CNOT3: variants seen among roughly 807,000 people sequenced by gnomAD.
CNOT3 encodes CCR4-NOT transcription complex subunit 3, also known as CCR4-associated factor 3.
Under a neutral mutation model 89.4 loss-of-function variants are expected in CNOT3, and 2 were observed. The observed-to-expected ratio is 0.02, with a 90% CI of 0.01 to 0.07. The LOEUF is 0.07. Among genes scored for constraint, CNOT3 ranks in the 10% least tolerant of loss-of-function variants. The pLI is 1.00. For missense variants in CNOT3, 664 were observed against 1,010.2 expected (o/e 0.66, Z 4.65); for synonymous variants, 486 against 402.0 (o/e 1.21, Z -2.50).
Position 54,155,537 on chromosome 19 carries a change from A to AG in CNOT3, c.*135dup. The AG allele has an allele frequency of 1.1e-6, 1 of 904,828 alleles. No individual in the cohort carries two copies. Among genetic ancestry groups the AG allele is most frequent in the South Asian group, 1.7e-5 (1 of 58,220 alleles). The allele number at this position is 904,828 out of a possible 1,614,324, so 56.0% of individuals were successfully genotyped here. Reference sequence around the variant, plus strand: ...CATCCCCCTCTCCCAGGAAGCAGGGAGGGGGCCGGGAGGTTTTCCTCTCAG... The same window carrying AG: ...CATCCCCCTCTCCCAGGAAGCAGGGAGGGGGGCCGGGAGGTTTTCCTCTCAG... On this transcript the variant is annotated 3_prime_UTR_variant, in exon 18 of 18. Coordinates refer to ENST00000221232, the MANE Select transcript of CNOT3 (RefSeq NM_014516.4).
At chr19:54,138,605 G>A (rs587678406) in intron 1 of CNOT3, among the ~76,000 whole-genome samples, 2 of 152,318 alleles carry the variant, frequency 1.3e-5, no homozygotes, top group Non-Finnish European at 2.9e-5. Context: ...CTGCTCCCGG[G>A]AGCGCAGCCT....
rs1401753087 is a variant in CNOT3, at chr19:54,148,669, C to T, written c.1332C>T (p.Ser444=). The T allele has an allele frequency of 2.5e-6, 4 of 1,610,772 alleles. No individual in the cohort carries two copies. The highest frequency in any genetic ancestry group is 3.4e-6 in the Non-Finnish European group (4 of 1,178,654). ...GCCCGGCAGAGGTGGCTTTGAGCAGCAGTGGGGGCAACAATGCCAGCAGCC... is the reference window on the plus strand; with the variant it reads ...GCCCGGCAGAGGTGGCTTTGAGCAGTAGTGGGGGCAACAATGCCAGCAGCC... ...ADSPAEVALS[S]SGGNNASSQA... is the part of the protein sequence containing the mutation. Residue 444 remains serine, a synonymous_variant, in exon 12 of 18, where the codon AGC becomes AGT. Coordinates refer to ENST00000221232, the MANE Select transcript of CNOT3 (RefSeq NM_014516.4). This position sits in a 1 kb window ranked among gnomAD's most constrained non-coding sequence, Gnocchi z 6.3.
In CNOT3 at chr19:54,153,066, C is replaced by G. The variant is rs760667610; in HGVS notation, c.2037+67C>G. ...CGCCGCCACCGCCGCCGTCCCCCCT[C>G]GGGCTGGAGGGGTGAGGTGGGTGCC... On this transcript the variant is annotated intron_variant, in intron 16 of 17. Transcript: ENST00000221232. 38 of 1,534,960 alleles carry G rather than the reference C, an allele frequency of 2.5e-5. No homozygotes were observed. In the South Asian group the frequency reaches 4.5e-4, roughly 18 times the overall value.
Position 54,152,213 on chromosome 19 carries a change from G to C in CNOT3, c.1606-13G>C, listed in dbSNP as rs767021169. On this transcript the variant is annotated splice_polypyrimidine_tract_variant and intron_variant, in intron 13 of 17. Coordinates refer to ENST00000221232, the MANE Select transcript of CNOT3 (RefSeq NM_014516.4). ...CCCAAGTGCTCAGGCCAGGCCTCTT[G>C]TTTCCTCCCCAGGCCCCTGAGCCTC... 5.6e-5 allele frequency: 91 copies of C among 1,613,924 alleles called. No individual in the cohort carries two copies. The highest frequency in any genetic ancestry group is 7.5e-5 in the Non-Finnish European group (88 of 1,179,946).
At position 54,155,585 on chromosome 19, in the gene CNOT3, C is replaced by T. The variant is rs1436010521; in HGVS notation, c.*178C>T. On this transcript the variant is annotated 3_prime_UTR_variant, in exon 18 of 18. Transcript: ENST00000221232. The stretch of plus-strand genomic sequence containing the variant: ...CAGCCCCACCCTGGGGGCCCGGGGG[C>T]GAGGGCTGCCCCCTCCTCCCCTCCC... 23 of 1,034,654 alleles carry T rather than the reference C, an allele frequency of 2.2e-5. No homozygotes were observed. The Admixed American group carries it at 3.5e-4, about 16-fold the overall frequency. 64.1% of individuals were successfully genotyped at this position (1,034,654 alleles called of 1,614,324 possible). A position where few individuals can be genotyped will look rare whatever the true frequency, so the allele number is the denominator to read the frequency against.
intron 17 of CNOT3, 50 bp downstream of exon 17, chr19:54,153,890 C>G: frequency 1.2e-6 from 2 of 1,613,244 alleles, no homozygotes; most frequent in Non-Finnish European, 1.7e-6. Context: ...GGGTAGAGTC[C>G]CCAGGCTCCA....
chr19:54,152,163 T>TGTCA lies in CNOT3; in HGVS notation c.1606-61_1606-58dup, dbSNP rs1262869428. The TGTCA allele has an allele frequency of 9.6e-6, 15 of 1,568,888 alleles. No individual in the cohort carries two copies. In the Admixed American group the frequency reaches 2.4e-4, roughly 25 times the overall value. On this transcript the variant is annotated intron_variant, in intron 13 of 17. Coordinates refer to ENST00000221232, the MANE Select transcript of CNOT3 (RefSeq NM_014516.4). ...GGCAGGTGAGAGCATCTGGGGCCTG[T>TGTCA]GTCAGGCTGCACTTGCTCCTGCAGC... is the stretch of plus-strand genomic sequence containing the variant.
Position 54,137,776 on chromosome 19 carries a change from C to T in CNOT3, c.-268C>T, listed in dbSNP as rs746483468. ...CCGCCGCCGCCATCTTGGACCGGGCCCGGTCAGCTTCCGCGGAGCCATCGG... is the reference window on the plus strand; with the variant it reads ...CCGCCGCCGCCATCTTGGACCGGGCTCGGTCAGCTTCCGCGGAGCCATCGG... On this transcript the variant is annotated 5_prime_UTR_variant, in exon 1 of 18. Coordinates refer to ENST00000221232, the MANE Select transcript of CNOT3 (RefSeq NM_014516.4). The T allele has an allele frequency of 6.6e-6, 1 of 152,186 alleles. No homozygotes were observed. The highest frequency in any genetic ancestry group is 1.5e-5 in the Non-Finnish European group (1 of 68,052). The allele number at this position is 152,186 out of a possible 1,614,324, so 9.4% of individuals were successfully genotyped here. A position where few individuals can be genotyped will look rare whatever the true frequency, so the allele number is the denominator to read the frequency against.
In CNOT3 at chr19:54,143,527, TG is replaced by T; in HGVS notation, c.168+16del. 6.2e-7 allele frequency: 1 copy of T among 1,613,502 alleles called. No individual in the cohort carries two copies. The highest frequency in any genetic ancestry group is 8.5e-7 in the Non-Finnish European group (1 of 1,179,738). On this transcript the variant is annotated intron_variant, in intron 4 of 17. Coordinates refer to ENST00000221232, the MANE Select transcript of CNOT3 (RefSeq NM_014516.4). ...ATTAAGAAGCTACAAGTGAGGGGGC[TG>T]GGGGCCTGGACGCCTTTGTCCTGAG...
intron 1 of CNOT3, among the ~76,000 whole-genome samples, chr19:54,138,507 A>G (rs1310426553): frequency 7.0e-6 from 1 of 143,750 alleles, no homozygotes; most frequent in Non-Finnish European, 1.5e-5. Flanking sequence ...GGTGGCGGGG[A>G]GGGGGGGTGG....
chr19:54,140,089 G>A (rs1489803149), intron 1 of CNOT3, among the ~76,000 whole-genome samples: 2 of 152,126 alleles, frequency 1.3e-5, no homozygotes, highest in African/African-American at 2.4e-5. Flanking sequence ...AGGACCACCC[G>A]GTGTTAGTTT....
intron 1 of CNOT3, among the ~76,000 whole-genome samples, chr19:54,138,651 C>T (rs1051649714): frequency 2.0e-5 from 3 of 152,346 alleles, no homozygotes; most frequent in South Asian, 2.1e-4. Flanking sequence ...CCGTCTGTAT[C>T]GGATGGGAGC....
Position 54,144,219 on chromosome 19 carries a change from T to C in CNOT3, c.388-18T>C. The C allele has an allele frequency of 6.2e-7, 1 of 1,613,806 alleles. No individual in the cohort carries two copies. Among genetic ancestry groups the C allele is most frequent in the South Asian group, 1.1e-5 (1 of 91,078 alleles). Reference sequence around the variant, plus strand: ...GGAACCCTAGCTGATGGGCTTCCTCTTCCTCTCCCTCCCCTAGAATACCAT... The same window carrying C: ...GGAACCCTAGCTGATGGGCTTCCTCCTCCTCTCCCTCCCCTAGAATACCAT... On this transcript the variant is annotated intron_variant, in intron 6 of 17. Coordinates refer to ENST00000221232, the MANE Select transcript of CNOT3 (RefSeq NM_014516.4). The surrounding 1 kb of genome is among the most constrained non-coding windows in gnomAD (Gnocchi z 4.8).
intron 3 of CNOT3, 106 bp from the exon 4 acceptor site, chr19:54,143,336 A>AGGGGGTG (rs2074530479): frequency 1.4e-6 from 1 of 733,194 alleles, no homozygotes; most frequent in Non-Finnish European, 2.3e-6. Flanking sequence ...GATTGGGGGT[A>AGGGGGTG]GGGGTTGGGG....
In CNOT3 at chr19:54,148,471, A is replaced by C; in HGVS notation, c.1218A>C (p.Gly406=). The C allele has an allele frequency of 6.4e-7, 1 of 1,558,220 alleles. No homozygotes were observed. The highest frequency in any genetic ancestry group is 1.2e-5 in the South Asian group (1 of 82,434). The change falls in exon 11 of 18, where the codon GGA becomes GGC. Residue 406 remains glycine (G), a synonymous_variant. Transcript: ENST00000221232. The surrounding 1 kb of genome is among the most constrained non-coding windows in gnomAD (Gnocchi z 6.3). ...GCGGAGGCGGCGGCAGCGGAGGCGG[A>C]GGGAGCAGCAGCAGTAGTAACAGCA... is the stretch of plus-strand genomic sequence containing the variant. ...SGGGGGGSGG[G]GSSSSSNSSA...
chr19:54,145,700 C>T lies in CNOT3; in HGVS notation c.586C>T (p.Leu196Phe). 6.2e-7 allele frequency: 1 copy of T among 1,613,266 alleles called. No individual in the cohort carries two copies. The change falls in exon 8 of 18, where the codon CTC becomes TTC. Residue 196 changes from leucine to phenylalanine, a missense_variant. This residue lies in a region of CNOT3 where 25 missense variants were observed against 69.0 expected (regional missense o/e 0.36). Coordinates refer to ENST00000221232, the MANE Select transcript of CNOT3 (RefSeq NM_014516.4). This position sits in a 1 kb window ranked among gnomAD's most constrained non-coding sequence, Gnocchi z 5.9. ...ILRMLDNDSI[L>F]VDAIRKIKDD... Reference sequence around the variant, plus strand: ...GCGCATGCTGGACAATGACTCCATCCTCGTTGACGCCATCCGCAAGATCAA... The same window carrying T: ...GCGCATGCTGGACAATGACTCCATCTTCGTTGACGCCATCCGCAAGATCAA...
At chr19:54,150,479 T>TGGG in intron 13 of CNOT3, among the ~76,000 whole-genome samples, 1 of 152,110 alleles carries the variant, frequency 6.6e-6, no homozygotes, top group East Asian at 1.9e-4. Flanking sequence ...GATAGGACGG[T>TGGG]GGGGTCCTGA....
intron 17 of CNOT3, chr19:54,154,992 G>A: frequency 4.5e-6 from 2 of 447,282 alleles, no homozygotes; most frequent in East Asian, 4.3e-5. Flanking sequence ...GTACTCACGT[G>A]AGAGGTGCTC....
At position 54,153,856 on chromosome 19, in the gene CNOT3, C is replaced by T; in HGVS notation, c.2163+16C>T. 1.2e-6 allele frequency: 2 copies of T among 1,614,094 alleles called. No individual in the cohort carries two copies. The highest frequency in any genetic ancestry group is 1.7e-6 in the Non-Finnish European group (2 of 1,179,942). ...GTTTGAGCAGGTGAGGGCCCCGCCC[C>T]CTCTCTTCCCGCTGCTAGGGTTGGG... On this transcript the variant is annotated intron_variant, in intron 17 of 17. Transcript: ENST00000221232.
Sources: allele counts gnomAD v4.1 joint callset (sites outside exome capture counted in the v4.1 genomes callset), GRCh38; gene constraint gnomAD v4.1.1; regional missense constraint gnomAD v4.1.1; non-coding constraint Gnocchi (gnomAD v3.1); transcripts MANE v1.5; gene names NCBI Gene and HGNC (gene_info 2026-07-23, HGNC 2026-07-21).